The following HSF1 variants were observed in gnomAD, a reference collection of about 807,000 sequenced individuals.
HSF1 encodes heat shock transcription factor 1.
HSF1 carries 32 observed loss-of-function variants against 51.7 expected under a neutral mutation model. The observed-to-expected ratio is 0.62, with a 90% CI of 0.47 to 0.83. HSF1 has a LOEUF of 0.83. HSF1 is among the 40% of genes least tolerant of loss of function. The pLI, the probability that HSF1 is intolerant of heterozygous loss-of-function variation, is 0.00. For missense variants in HSF1, 727 were observed against 717.0 expected, an observed-to-expected ratio of 1.01 and a Z score of -0.16; for synonymous variants, 396 against 309.7, an observed-to-expected ratio of 1.28 and a Z score of -2.92.
chr8:144,308,878 G>C (rs548585086), intron 1 of HSF1, 28 bp from the exon 2 acceptor site: 15 of 1,593,710 alleles, frequency 9.4e-6, no homozygotes, highest in Middle Eastern at 3.3e-4. Context: ...ACCACCACGC[G>C]TGACCCACCC....
At chr8:144,310,200 T>C in intron 4 of HSF1, 1 of 363,124 alleles carries the variant, frequency 2.8e-6, no homozygotes, top group South Asian at 3.5e-5. Context: ...ACCAGCCTAC[T>C]TTTGAGGACA....
In HSF1 at chr8:144,291,859, C is replaced by A; in HGVS notation, c.102C>A (p.Leu34=). The A allele has an allele frequency of 6.5e-7, 1 of 1,541,088 alleles. No homozygotes were observed. The highest frequency in any genetic ancestry group is 1.7e-4 in the Middle Eastern group (1 of 5,884). ...TLVSDPDTDA[L]ICWSPSGNSF... ...TGAGCGACCCGGACACCGACGCGCT[C>A]ATCTGCTGGAGCCCGGTGAGGGCAG... The change falls in exon 1 of 13, where the codon CTC becomes CTA. Residue 34 remains leucine, a synonymous_variant. Transcript: ENST00000528838. This position sits in a 1 kb window ranked among gnomAD's most constrained non-coding sequence, Gnocchi z 4.1.
rs1554844337 is a variant in HSF1, at chr8:144,311,340, C to T, written c.584C>T (p.Ser195Leu). 1 of 1,614,016 alleles carries T rather than the reference C, an allele frequency of 6.2e-7. No individual in the cohort carries two copies. The highest frequency in any genetic ancestry group is 1.1e-5 in the South Asian group (1 of 91,092). ...VVNKLIQFLI[S>L]LVQSNRILGV... ...CCACAGCTCATTCAGTTCCTGATCT[C>T]ACTGGTGCAGTCAAACCGGATCCTG... Residue 195 changes from serine (S) to leucine (L), a missense_variant, in exon 6 of 13, where the codon TCA (serine) becomes TTA (leucine). Physicochemically the swap from Ser to Leu is moderately radical, Grantham distance 145. Coordinates refer to ENST00000528838, the MANE Select transcript of HSF1 (RefSeq NM_005526.4).
chr8:144,309,598 G>A lies in HSF1; in HGVS notation c.363+7G>A, dbSNP rs1554843910. On this transcript the variant is annotated splice_region_variant and intron_variant, in intron 3 of 12. Coordinates refer to ENST00000528838, the MANE Select transcript of HSF1 (RefSeq NM_005526.4). ...CAAGAGGAAAGTGACCAGTGTGAGT[G>A]CCGGCCCTGCACCCTTGCCCGGTCT... 6.2e-7 allele frequency: 1 copy of A among 1,613,678 alleles called. No homozygotes were observed. Among genetic ancestry groups the A allele is most frequent in the South Asian group, 1.1e-5 (1 of 91,076 alleles).
rs782246057 is a variant in HSF1, at chr8:144,308,984, A to T, written c.196A>T (p.Met66Leu). ...GCCCAAGTACTTCAAGCACAACAAC[A>T]TGGCCAGCTTCGTGCGGCAGCTCAA... Reference protein sequence around the residue: ...VLPKYFKHNNMASFVRQLNMY... With the variant: ...VLPKYFKHNNLASFVRQLNMY... Residue 66 changes from methionine (M) to leucine (L), a missense_variant, in exon 2 of 13, where the codon ATG becomes TTG. This residue lies in a region of HSF1 where 257 missense variants were observed against 318.3 expected (regional missense o/e 0.81). Coordinates refer to ENST00000528838, the MANE Select transcript of HSF1 (RefSeq NM_005526.4). 1.2e-6 allele frequency: 2 copies of T among 1,613,860 alleles called. No homozygotes were observed. The highest frequency in any genetic ancestry group is 2.7e-5 in the African/African-American group (2 of 74,922).
At position 144,291,790 on chromosome 8, in the gene HSF1, G is replaced by A; in HGVS notation, c.33G>A (p.Gly11=). 6.5e-7 allele frequency: 1 copy of A among 1,542,960 alleles called. No homozygotes were observed. Among genetic ancestry groups the A allele is most frequent in the Non-Finnish European group, 8.7e-7 (1 of 1,149,810 alleles). Residue 11 remains glycine (G), a synonymous_variant, in exon 1 of 13, where the codon GGG becomes GGA. Coordinates refer to ENST00000528838, the MANE Select transcript of HSF1 (RefSeq NM_005526.4). This position sits in a 1 kb window ranked among gnomAD's most constrained non-coding sequence, Gnocchi z 4.1. MDLPVGPGAA[G]PSNVPAFLTK... is the part of the protein sequence containing the mutation. ...TGCCCGTGGGCCCCGGCGCGGCGGG[G>A]CCCAGCAACGTCCCGGCCTTCCTGA...
rs782506952 is a variant in HSF1, at chr8:144,309,865, T to G, written c.457T>G (p.Cys153Gly). 6.2e-7 allele frequency: 1 copy of G among 1,612,684 alleles called. No homozygotes were observed. The highest frequency in any genetic ancestry group is 8.5e-7 in the Non-Finnish European group (1 of 1,179,646). Residue 153 changes from cysteine to glycine, a missense_variant, in exon 4 of 13, where the codon TGC becomes GGC. By Grantham distance (159) the Cys-to-Gly change is radical (BLOSUM62 -3). Coordinates refer to ENST00000528838, the MANE Select transcript of HSF1 (RefSeq NM_005526.4). ...GCAGCTGATGAAGGGGAAGCAGGAG[T>G]GCATGGACTCCAAGCTCCTGGCCAT... ...DVQLMKGKQE[C>G]MDSKLLAMKH...
In HSF1 at chr8:144,314,438, A is replaced by G. The variant is rs1279434110; in HGVS notation, c.*108A>G. The G allele has an allele frequency of 6.5e-6, 6 of 930,010 alleles. No individual in the cohort carries two copies. The highest frequency in any genetic ancestry group is 3.2e-5 in the South Asian group (2 of 61,696). The allele number at this position is 930,010 out of a possible 1,614,324, so 57.6% of individuals were successfully genotyped here. ...CTTGGGCACTGGTGGGTCGGCCGCC[A>G]TAGCCCCAGTAGGACAAACGGGCTC... On this transcript the variant is annotated 3_prime_UTR_variant, in exon 13 of 13. Transcript: ENST00000528838.
intron 1 of HSF1, among the ~76,000 whole-genome samples, chr8:144,294,105 T>A (rs183777766): frequency 1.0e-3 from 155 of 152,160 alleles, no homozygotes; most frequent in Non-Finnish European, 1.8e-3. Flanking sequence ...CTGGTCAGTA[T>A]GAAGTGGCAA....
intron 9 of HSF1, chr8:144,312,990 G>T (rs1314815961): frequency 7.6e-6 from 4 of 526,038 alleles, no homozygotes; most frequent in Non-Finnish European, 1.4e-5. Context: ...TGCACTTCCT[G>T]TCAGGCAGGG....
intron 1 of HSF1, among the ~76,000 whole-genome samples, chr8:144,299,079 C>T (rs1253523115): frequency 6.6e-6 from 1 of 152,150 alleles, no homozygotes; most frequent in South Asian, 2.1e-4. Flanking sequence ...ACTCCAATGC[C>T]GTGGAAACAA....
chr8:144,301,158 C>T (rs1423532747), intron 1 of HSF1, among the ~76,000 whole-genome samples: 2 of 152,182 alleles, frequency 1.3e-5, no homozygotes, highest in South Asian at 2.1e-4. Flanking sequence ...GTGGCTCCTG[C>T]CCGAAATCCC....
chr8:144,313,659 C>CGCGCCTCCCT, intron 10 of HSF1, 43 bp downstream of exon 10: 1 of 50,850 alleles, frequency 2.0e-5, no homozygotes, highest in Non-Finnish European at 3.2e-5. Flanking sequence ...CCCGCCTCCC[C>CGCGCCTCCCT]GCCGCGCCGC....
intron 1 of HSF1, among the ~76,000 whole-genome samples, chr8:144,301,823 C>G (rs1428666100): frequency 6.6e-6 from 1 of 151,400 alleles, no homozygotes; most frequent in Non-Finnish European, 1.5e-5. Flanking sequence ...CGAGATCGCA[C>G]CACTGCACTC....
intron 1 of HSF1, among the ~76,000 whole-genome samples, chr8:144,299,524 G>A (rs1815715893): frequency 6.6e-6 from 1 of 152,054 alleles, no homozygotes; most frequent in Admixed American, 6.6e-5. Context: ...ACTGGAGGGG[G>A]TCCAGTAGCA....
At chr8:144,294,448 A>G (rs1815323171) in intron 1 of HSF1, among the ~76,000 whole-genome samples, 1 of 152,156 alleles carries the variant, frequency 6.6e-6, no homozygotes, top group Non-Finnish European at 1.5e-5. Flanking sequence ...TCTGGCTCAG[A>G]GTCTTACCAC....
intron 1 of HSF1, among the ~76,000 whole-genome samples, chr8:144,294,451 C>T (rs1293879372): frequency 1.3e-5 from 2 of 152,322 alleles, no homozygotes; most frequent in East Asian, 3.9e-4. Context: ...GGCTCAGAGT[C>T]TTACCACCAT....
At chr8:144,305,865 C>T (rs781953634) in intron 1 of HSF1, among the ~76,000 whole-genome samples, 10 of 150,348 alleles carry the variant, frequency 6.7e-5, no homozygotes, top group Non-Finnish European at 8.9e-5. Context: ...CCTGAGTAGC[C>T]GGGATTACAG....
At position 144,311,558 on chromosome 8, in the gene HSF1, G is replaced by A. The variant is rs782438780; in HGVS notation, c.680G>A (p.Arg227Gln). 92 of 1,613,614 alleles carry A rather than the reference G, an allele frequency of 5.7e-5. No individual in the cohort carries two copies. Among genetic ancestry groups the A allele is most frequent in the Non-Finnish European group, 6.4e-5 (75 of 1,179,982 alleles). ...GSAHSMPKYS[R>Q]QFSLEHVHGS... ...GCACATTCCATGCCCAAGTATAGCCGGCAGTTCTCCCTGGAGCACGTCCAC... is the reference window on the plus strand; with the variant it reads ...GCACATTCCATGCCCAAGTATAGCCAGCAGTTCTCCCTGGAGCACGTCCAC... The change falls in exon 7 of 13, where the codon CGG (arginine) becomes CAG (glutamine). Residue 227 changes from arginine to glutamine, a missense_variant. Arg to Gln is a conservative substitution (Grantham distance 43, BLOSUM62 1). This residue lies in a region of HSF1 where 257 missense variants were observed against 318.3 expected (regional missense o/e 0.81). Coordinates refer to ENST00000528838, the MANE Select transcript of HSF1 (RefSeq NM_005526.4).
Sources: allele counts gnomAD v4.1 joint callset (sites outside exome capture counted in the v4.1 genomes callset), GRCh38; gene constraint gnomAD v4.1.1; regional missense constraint gnomAD v4.1.1; non-coding constraint Gnocchi (gnomAD v3.1); transcripts MANE v1.5; gene names NCBI Gene and HGNC (gene_info 2026-07-23, HGNC 2026-07-21).